SLC41A2: variants seen among roughly 807,000 people sequenced by gnomAD.
The protein encoded by SLC41A2 is solute carrier family 41 member 2.
A neutral mutation model predicts 58.3 loss-of-function variants in SLC41A2; 32 were observed. That is an observed-to-expected ratio of 0.55 (90% CI 0.41 to 0.74). SLC41A2 has a LOEUF of 0.74. Ranked by LOEUF, SLC41A2 falls within the 30% of genes least tolerant of loss-of-function variation. The pLI is 0.00. For missense variants in SLC41A2, 514 were observed against 680.6 expected (o/e 0.76, Z 2.72); for synonymous variants, 190 against 235.0 (o/e 0.81, Z 1.75).
intron 5 of SLC41A2, among the ~76,000 whole-genome samples, chr12:104,887,407 G>T (rs2044724513): frequency 6.6e-6 from 1 of 151,802 alleles, no homozygotes; most frequent in Non-Finnish European, 1.5e-5. Flanking sequence ...CTCTAGCCCA[G>T]TGTTTTTTAC....
intron 6 of SLC41A2, among the ~76,000 whole-genome samples, chr12:104,876,532 CATG>C (rs1427987548): frequency 1.1e-4 from 16 of 152,160 alleles, no homozygotes; most frequent in Admixed American, 5.9e-4. Flanking sequence ...TGTTCAGGAG[CATG>C]ATGTTTAATT....
intron 4 of SLC41A2, 95 bp downstream of exon 4, chr12:104,895,179 G>A: frequency 1.2e-6 from 1 of 807,536 alleles, no homozygotes; most frequent in Non-Finnish European, 2.1e-6. Flanking sequence ...ACAATTAAAG[G>A]GTAGACTCAT....
At chr12:104,823,473 A>G (rs1313622566) in intron 10 of SLC41A2, among the ~76,000 whole-genome samples, 1 of 151,354 alleles carries the variant, frequency 6.6e-6, no homozygotes, top group East Asian at 1.9e-4. Context: ...AGACCTGCAT[A>G]TATATATATA....
At chr12:104,810,260 G>A (rs2041113585) in intron 10 of SLC41A2, among the ~76,000 whole-genome samples, 1 of 152,052 alleles carries the variant, frequency 6.6e-6, no homozygotes, top group African/African-American at 2.4e-5. Context: ...TGAAGTATAT[G>A]GAGGTAAATT....
At chr12:104,891,068 T>C (rs1317121022) in intron 4 of SLC41A2, among the ~76,000 whole-genome samples, 1 of 152,072 alleles carries the variant, frequency 6.6e-6, no homozygotes, top group Non-Finnish European at 1.5e-5. Context: ...AAAAACCCTC[T>C]CCCCCAACCA....
chr12:104,808,654 C>T (rs1368807245), intron 10 of SLC41A2, among the ~76,000 whole-genome samples: 2 of 152,202 alleles, frequency 1.3e-5, no homozygotes, highest in Admixed American at 1.3e-4. Flanking sequence ...ACCAGCTCCT[C>T]CTTGTACCTC....
chr12:104,932,005 A>G (rs987558456), intron 1 of SLC41A2, among the ~76,000 whole-genome samples: 7 of 152,174 alleles, frequency 4.6e-5, no homozygotes, highest in Non-Finnish European at 1.0e-4. Context: ...ATATAGTTTG[A>G]AAGTGCCAGG....
intron 10 of SLC41A2, among the ~76,000 whole-genome samples, chr12:104,813,497 A>T (rs2041262591): frequency 6.6e-6 from 1 of 152,216 alleles, no homozygotes; most frequent in African/African-American, 2.4e-5. Context: ...TTAGCAATCC[A>T]AACAAAATAT....
chr12:104,921,721 T>C (rs1363942487), intron 2 of SLC41A2, among the ~76,000 whole-genome samples: 1 of 152,104 alleles, frequency 6.6e-6, no homozygotes, highest in African/African-American at 2.4e-5. Context: ...CCAAGAATAC[T>C]CTAATACTGT....
chr12:104,844,466 T>C lies in SLC41A2; in HGVS notation c.1536+6A>G. 6.9e-7 allele frequency: 1 copy of C among 1,448,082 alleles called. No individual in the cohort carries two copies. Among genetic ancestry groups the C allele is most frequent in the Non-Finnish European group, 9.1e-7 (1 of 1,098,000 alleles). The allele number at this position is 1,448,082 out of a possible 1,614,324, so 89.7% of individuals were successfully genotyped here. A position where few individuals can be genotyped will look rare whatever the true frequency, so the allele number is the denominator to read the frequency against. On this transcript the variant is annotated splice_donor_region_variant and intron_variant, in intron 10 of 10. Coordinates refer to ENST00000258538, the MANE Select transcript of SLC41A2 (RefSeq NM_001352171.3). ...AAAAGAGATTTCAAGAAGTTTTAACTCTTACCTGTAACACAGCGCCAAATA... is the reference window on the plus strand; with the variant it reads ...AAAAGAGATTTCAAGAAGTTTTAACCCTTACCTGTAACACAGCGCCAAATA...
intron 10 of SLC41A2, among the ~76,000 whole-genome samples, chr12:104,833,874 A>G (rs2453171): frequency 0.64 from 97,323 of 151,678 alleles, 31,738 homozygotes; most frequent in African/African-American, 0.74. Context: ...TTATTTTTAC[A>G]CTTTTCAATT....
At chr12:104,938,164 T>A (rs1267974645) in intron 1 of SLC41A2, among the ~76,000 whole-genome samples, 1 of 151,836 alleles carries the variant, frequency 6.6e-6, no homozygotes, top group African/African-American at 2.4e-5. Flanking sequence ...ATCTATACAA[T>A]GGAATATAAG....
At chr12:104,907,745 G>T (rs1363674485) in intron 3 of SLC41A2, among the ~76,000 whole-genome samples, 1 of 152,102 alleles carries the variant, frequency 6.6e-6, no homozygotes, top group Non-Finnish European at 1.5e-5. Flanking sequence ...ACTGCTCTAA[G>T]CCTCAATTCC....
chr12:104,933,228 A>G (rs1367286013), intron 1 of SLC41A2, among the ~76,000 whole-genome samples: 1 of 152,208 alleles, frequency 6.6e-6, no homozygotes, highest in East Asian at 1.9e-4. Flanking sequence ...TGACATGAAT[A>G]GACACTTCTC....
intron 1 of SLC41A2, among the ~76,000 whole-genome samples, chr12:104,956,295 A>AT (rs2048164520): frequency 1.3e-5 from 2 of 152,304 alleles, no homozygotes; most frequent in East Asian, 3.9e-4. Context: ...TCGGTATCAG[A>AT]TTGGTTGGAT....
At chr12:104,832,344 A>C (rs2731031) in intron 10 of SLC41A2, among the ~76,000 whole-genome samples, 97,420 of 152,048 alleles carry the variant, frequency 0.64, 31,724 homozygotes, top group African/African-American at 0.73. Flanking sequence ...ATTAATTGTT[A>C]TGCAGAGTTA....
intron 5 of SLC41A2, among the ~76,000 whole-genome samples, chr12:104,888,320 G>A (rs10861290): frequency 0.074 from 11,313 of 152,050 alleles, 478 homozygotes; most frequent in Middle Eastern, 0.11. Flanking sequence ...TGCATTGTAT[G>A]ATCACCTAAC....
At chr12:104,853,927 T>TTTTTTTTTA (rs2042919417) in intron 8 of SLC41A2, among the ~76,000 whole-genome samples, 1 of 135,024 alleles carries the variant, frequency 7.4e-6, no homozygotes, top group African/African-American at 2.8e-5. Flanking sequence ...TTTTTTTTTT[T>TTTTTTTTTA]TTTTTTTTTT....
At chr12:104,838,509 T>C (rs1026751862) in intron 10 of SLC41A2, among the ~76,000 whole-genome samples, 8 of 152,316 alleles carry the variant, frequency 5.3e-5, no homozygotes, top group African/African-American at 1.7e-4. Flanking sequence ...CTAGTGAAAG[T>C]AATAGCAAAA....
Sources: allele counts gnomAD v4.1 joint callset (sites outside exome capture counted in the v4.1 genomes callset), GRCh38; gene constraint gnomAD v4.1.1; transcripts MANE v1.5; gene names NCBI Gene and HGNC (gene_info 2026-07-23, HGNC 2026-07-21).